FRMD3: variants seen among roughly 807,000 people sequenced by gnomAD.
FRMD3 encodes FERM domain containing 3.
Under a neutral mutation model 70.2 loss-of-function variants are expected in FRMD3, and 33 were observed. That is an observed-to-expected ratio of 0.47 (90% CI 0.36 to 0.63). FRMD3 has a LOEUF of 0.63. Among genes scored for constraint, FRMD3 ranks in the 20% least tolerant of loss-of-function variants. FRMD3 has a pLI of 0.00. For synonymous variants in FRMD3, 279 were observed against 255.9 expected (o/e 1.09, Z -0.86); for missense variants, 632 against 711.4 (o/e 0.89, Z 1.27).
At chr9:83,535,700 G>A (rs1460497588) in intron 1 of FRMD3, among the ~76,000 whole-genome samples, 1 of 151,794 alleles carries the variant, frequency 6.6e-6, no homozygotes, top group Non-Finnish European at 1.5e-5. Context: ...TTCTTCCAAT[G>A]TGGCCCAGGG....
chr9:83,330,504 T>G (rs1355051152), intron 6 of FRMD3, among the ~76,000 whole-genome samples: 1 of 152,150 alleles, frequency 6.6e-6, no homozygotes, highest in East Asian at 1.9e-4. Flanking sequence ...ACACATAGTT[T>G]TACAAACAAA....
intron 1 of FRMD3, among the ~76,000 whole-genome samples, chr9:83,406,836 TTTG>T (rs1360200632): frequency 6.6e-6 from 1 of 152,234 alleles, no homozygotes; most frequent in East Asian, 1.9e-4. Context: ...TGGGTTTTAT[TTTG>T]TTGTTGTTCC....
chr9:83,389,661 G>A lies in FRMD3; in HGVS notation c.195C>T (p.Tyr65=). The A allele has an allele frequency of 6.2e-7, 1 of 1,614,036 alleles. No homozygotes were observed. The highest frequency in any genetic ancestry group is 8.5e-7 in the Non-Finnish European group (1 of 1,179,924). Residue 65 remains tyrosine, a synonymous_variant, in exon 2 of 14, where the codon TAC becomes TAT. Coordinates refer to ENST00000304195, the MANE Select transcript of FRMD3 (RefSeq NM_174938.6). ...CAAAGTAGTCCTTCTCCAGCAGGCTGTAGTAGTTGCAGATGTGGTCAATGA... is the reference window on the plus strand; with the variant it reads ...CAAAGTAGTCCTTCTCCAGCAGGCTATAGTAGTTGCAGATGTGGTCAATGA... The part of the protein sequence containing the change: ...QFLIDHICNY[Y]SLLEKDYFGI...
chr9:83,302,862 C>A (rs191363044), intron 10 of FRMD3, among the ~76,000 whole-genome samples: 1 of 152,182 alleles, frequency 6.6e-6, no homozygotes, highest in South Asian at 2.1e-4. Context: ...AACAGCAATT[C>A]GCTCTCCTAC....
chr9:83,375,634 C>T (rs1368744530), intron 2 of FRMD3, among the ~76,000 whole-genome samples: 1 of 152,134 alleles, frequency 6.6e-6, no homozygotes, highest in Non-Finnish European at 1.5e-5. Flanking sequence ...ATACCAATAC[C>T]ACATGTTCTC....
chr9:83,541,920 C>T (rs934872885), upstream of FRMD3, among the ~76,000 whole-genome samples: 3 of 152,106 alleles, frequency 2.0e-5, no homozygotes, highest in Admixed American at 2.0e-4. Context: ...CAAAGACAAC[C>T]AGAAACATTT....
intron 3 of FRMD3, among the ~76,000 whole-genome samples, chr9:83,369,309 C>T (rs1824892988): frequency 6.6e-6 from 1 of 152,186 alleles, no homozygotes; most frequent in Admixed American, 6.5e-5. Flanking sequence ...GGCACAGTGG[C>T]TCACACCTGT....
rs113305655 is a variant in FRMD3, at chr9:83,460,176, A to C, written c.148-70468T>G. ...AGTTCTACTCTTTCCCTGCCTCAGTATCCCCACTCCCTCACTCTTGCTTCC... is the reference window on the plus strand; with the variant it reads ...AGTTCTACTCTTTCCCTGCCTCAGTCTCCCCACTCCCTCACTCTTGCTTCC... On this transcript the variant is annotated intron_variant, in intron 1 of 13. Coordinates refer to ENST00000304195, the MANE Select transcript of FRMD3 (RefSeq NM_174938.6). 7.0e-3 allele frequency among the ~76,000 whole-genome samples: 1,062 copies of C among 152,212 alleles called. 12 individuals are homozygous for C. The highest frequency in any genetic ancestry group is 0.024 in the African/African-American group (1,000 of 41,536).
chr9:83,271,799 A>C (rs1833562999), intron 13 of FRMD3, among the ~76,000 whole-genome samples: 1 of 152,204 alleles, frequency 6.6e-6, no homozygotes, highest in Non-Finnish European at 1.5e-5. Flanking sequence ...GGGAAAGGTC[A>C]ATAAAAATCC....
the FRMD3 span, among the ~76,000 whole-genome samples, chr9:83,559,662 C>T: frequency 8.5e-5 from 13 of 152,070 alleles, no homozygotes; most frequent in Admixed American, 2.0e-4. Context: ...TATCACTATA[C>T]GTGACAAACT....
intron 6 of FRMD3, among the ~76,000 whole-genome samples, chr9:83,316,857 T>C (rs1835599378): frequency 1.3e-5 from 2 of 152,186 alleles, no homozygotes; most frequent in African/African-American, 4.8e-5. Flanking sequence ...ATCTCTCTCA[T>C]AAGTTCTTGA....
chr9:83,550,810 T>A, the FRMD3 span, among the ~76,000 whole-genome samples: 12 of 152,000 alleles, frequency 7.9e-5, no homozygotes, highest in Admixed American at 2.0e-4. Context: ...TGCTAGTGAT[T>A]TTTGTACATT....
Position 83,247,919 on chromosome 9 carries a change from C to T in FRMD3, c.1793G>A (p.Ter598=), listed in dbSNP as rs746945407. 4 of 1,613,064 alleles carry T rather than the reference C, an allele frequency of 2.5e-6. No individual in the cohort carries two copies. In the Middle Eastern group the frequency reaches 5.0e-4, roughly 200 times the overall value. Residue 598 remains the stop codon, a stop_retained_variant, in exon 14 of 14, where the codon TGA becomes TAA. Transcript: ENST00000304195. ...HLILYMLGCS[*] ...CCTTAGTCACGTGAGAGATTAACTT[C>T]ATGAGCAACCCAGCATGTAGAGGAT... is the stretch of plus-strand genomic sequence containing the variant.
intron 1 of FRMD3, among the ~76,000 whole-genome samples, chr9:83,490,745 A>G (rs1828797765): frequency 6.6e-6 from 1 of 151,244 alleles, no homozygotes; most frequent in South Asian, 2.1e-4. Context: ...CTTATAAAAA[A>G]TCCAGTTTTT....
At chr9:83,350,623 C>CAAAAAAAAAAAAAAAAAAA (rs761012697) in intron 3 of FRMD3, 2 of 199,256 alleles carry the variant, frequency 1.0e-5, no homozygotes, top group African/African-American at 4.8e-5. Flanking sequence ...AACTCCATCT[C>CAAAAAAAAAAAAAAAAAAA]AAAAAAAAAA....
chr9:83,429,761 C>G (rs1826917106), intron 1 of FRMD3, among the ~76,000 whole-genome samples: 1 of 152,172 alleles, frequency 6.6e-6, no homozygotes, highest in African/African-American at 2.4e-5. Flanking sequence ...CATTTTGCCC[C>G]TTATTCTTTA....
chr9:83,541,143 C>A (rs1031424671), upstream of FRMD3, among the ~76,000 whole-genome samples: 1 of 152,202 alleles, frequency 6.6e-6, no homozygotes, highest in Non-Finnish European at 1.5e-5. Context: ...CCTCCCACCC[C>A]TCTCCCACCA....
chr9:83,343,842 C>G (rs114681882), intron 4 of FRMD3, among the ~76,000 whole-genome samples: 1,724 of 152,260 alleles, frequency 0.011, 41 homozygotes, highest in African/African-American at 0.04. Flanking sequence ...TCTCCCCACT[C>G]CAGGGATGGC....
intron 3 of FRMD3, among the ~76,000 whole-genome samples, chr9:83,355,409 T>C (rs1234083182): frequency 6.6e-6 from 1 of 152,160 alleles, no homozygotes. Flanking sequence ...GGAGAAGACA[T>C]CCTGGCCCTG....
Sources: gnomAD v4.1 joint callset for allele counts (sites outside exome capture counted in the v4.1 genomes callset) on GRCh38, gnomAD v4.1.1 for gene constraint, MANE v1.5 for transcripts, NCBI Gene and HGNC (gene_info 2026-07-23, HGNC 2026-07-21) for gene names.